PPP1R9A: variants seen among roughly 807,000 people sequenced by gnomAD.
PPP1R9A encodes neurabin-1.
In PPP1R9A, 59 loss-of-function variants were observed where a neutral mutation model predicts 141.9. The observed-to-expected ratio is 0.42, with a 90% CI of 0.34 to 0.52. The LOEUF (loss-of-function observed/expected upper bound fraction) is 0.52. PPP1R9A is among the 20% of genes least tolerant of loss of function. PPP1R9A has a pLI of 0.10. For missense variants in PPP1R9A, 1,444 were observed against 1,611.9 expected, an observed-to-expected ratio of 0.90 and a Z score of 1.78; for synonymous variants, 500 against 569.7, an observed-to-expected ratio of 0.88 and a Z score of 1.74.
chr7:95,062,040 A>G (rs1812308721), intron 2 of PPP1R9A, among the ~76,000 whole-genome samples: 1 of 152,162 alleles, frequency 6.6e-6, no homozygotes, highest in South Asian at 2.1e-4. Flanking sequence ...AATTTCTTTA[A>G]CTTGCATCCT....
intron 2 of PPP1R9A, among the ~76,000 whole-genome samples, chr7:95,032,806 G>A (rs950532525): frequency 9.9e-5 from 15 of 151,898 alleles, no homozygotes; most frequent in Admixed American, 3.3e-4. Flanking sequence ...GTATAATTAC[G>A]AGTAATTATA....
chr7:94,930,216 T>A (rs1010866547), intron 2 of PPP1R9A, among the ~76,000 whole-genome samples: 1 of 152,100 alleles, frequency 6.6e-6, no homozygotes, highest in African/African-American at 2.4e-5. Flanking sequence ...CAGGAGAGTG[T>A]TGGGAGGCAG....
intron 4 of PPP1R9A, among the ~76,000 whole-genome samples, chr7:95,160,330 C>A (rs1011715659): frequency 3.3e-5 from 5 of 151,906 alleles, no homozygotes; most frequent in Admixed American, 6.6e-5. Context: ...AGGTATTAGG[C>A]CCAAAGCATA....
At chr7:95,174,310 A>G (rs1339210040) in intron 5 of PPP1R9A, among the ~76,000 whole-genome samples, 3 of 152,146 alleles carry the variant, frequency 2.0e-5, no homozygotes, top group African/African-American at 4.8e-5. Context: ...AAATTCTGGA[A>G]AATACAAAAC....
At chr7:95,018,803 C>G (rs981919217) in intron 2 of PPP1R9A, among the ~76,000 whole-genome samples, 1 of 152,092 alleles carries the variant, frequency 6.6e-6, no homozygotes, top group African/African-American at 2.4e-5. Flanking sequence ...TACTGCCTGA[C>G]GTGCTGAGAG....
intron 2 of PPP1R9A, among the ~76,000 whole-genome samples, chr7:95,006,593 G>A (rs1803634245): frequency 6.6e-6 from 1 of 152,106 alleles, no homozygotes; most frequent in South Asian, 2.1e-4. Context: ...TAAATATAAA[G>A]TGCATGACCT....
intron 5 of PPP1R9A, among the ~76,000 whole-genome samples, chr7:95,166,289 C>T (rs2152731798): frequency 6.6e-6 from 1 of 152,096 alleles, no homozygotes; most frequent in South Asian, 2.1e-4. Flanking sequence ...GATTTCTAGC[C>T]ATTGTTGAAA....
chr7:95,107,900 GA>G (rs746357277), intron 2 of PPP1R9A, among the ~76,000 whole-genome samples: 3 of 152,094 alleles, frequency 2.0e-5, no homozygotes, highest in Non-Finnish European at 4.4e-5. Context: ...TTAATCCAGG[GA>G]AATAATATGG....
At chr7:95,082,446 G>A (rs952459463) in intron 2 of PPP1R9A, among the ~76,000 whole-genome samples, 1 of 152,080 alleles carries the variant, frequency 6.6e-6, no homozygotes, top group African/African-American at 2.4e-5. Context: ...CATTTAAAGT[G>A]TAGAGGGTAG....
chr7:95,234,326 CA>C (rs1370197977), intron 8 of PPP1R9A, among the ~76,000 whole-genome samples: 2 of 152,126 alleles, frequency 1.3e-5, no homozygotes, highest in Non-Finnish European at 2.9e-5. Context: ...GAATTCAGCA[CA>C]GTTTCAGGAT....
At chr7:95,203,534 C>A in intron 6 of PPP1R9A, 131 bp from the exon 7 acceptor site, 1 of 558,772 alleles carries the variant, frequency 1.8e-6, no homozygotes, top group Non-Finnish European at 3.0e-6. Flanking sequence ...CAACATGCCG[C>A]AATATTGTCT....
intron 2 of PPP1R9A, among the ~76,000 whole-genome samples, chr7:95,102,860 T>C (rs1818971475): frequency 6.6e-6 from 1 of 152,218 alleles, no homozygotes; most frequent in Non-Finnish European, 1.5e-5. Flanking sequence ...TTGTGATGAC[T>C]CATTTTATGG....
At chr7:95,158,399 G>A (rs1432353025) in intron 4 of PPP1R9A, among the ~76,000 whole-genome samples, 3 of 152,124 alleles carry the variant, frequency 2.0e-5, no homozygotes, top group African/African-American at 7.2e-5. Flanking sequence ...TCACAGCTGT[G>A]ATCCTAGCAC....
chr7:95,191,920 A>T (rs1469523667), intron 5 of PPP1R9A, among the ~76,000 whole-genome samples: 2 of 152,102 alleles, frequency 1.3e-5, no homozygotes, highest in Non-Finnish European at 2.9e-5. Context: ...AGTTTCAGAC[A>T]ATGTATAAGA....
chr7:95,075,798 C>G (rs753677095), intron 2 of PPP1R9A, among the ~76,000 whole-genome samples: 78 of 151,992 alleles, frequency 5.1e-4, no homozygotes, highest in Middle Eastern at 3.4e-3. Flanking sequence ...GATCGCGCCA[C>G]TGCACTCCAG....
intron 5 of PPP1R9A, among the ~76,000 whole-genome samples, chr7:95,197,676 A>G (rs2152854662): frequency 6.6e-6 from 1 of 152,256 alleles, no homozygotes; most frequent in South Asian, 2.1e-4. Context: ...GGTTTGAGAC[A>G]GAGTCTCTGT....
At position 94,937,969 on chromosome 7, in the gene PPP1R9A, G is replaced by C. The variant is rs1584298151; in HGVS notation, c.1395+26461G>C. 2.0e-5 allele frequency among the ~76,000 whole-genome samples: 3 copies of C among 152,178 alleles called. No individual in the cohort carries two copies. In the East Asian group the frequency reaches 5.8e-4, roughly 29 times the overall value. On this transcript the variant is annotated intron_variant, in intron 2 of 19. Transcript: ENST00000433360. Reference sequence around the variant, plus strand: ...TTAGTTCCCTTCCCAGGTACCATCAGAGTTTTCAATCTTGAGGGGAGCTGG... The same window carrying C: ...TTAGTTCCCTTCCCAGGTACCATCACAGTTTTCAATCTTGAGGGGAGCTGG...
intron 2 of PPP1R9A, among the ~76,000 whole-genome samples, chr7:94,939,734 G>A (rs1034117315): frequency 6.6e-6 from 1 of 151,110 alleles, no homozygotes; most frequent in African/African-American, 2.4e-5. Flanking sequence ...TCCCATCCCA[G>A]AAGATTGTAT....
At chr7:95,054,113 T>TG in intron 2 of PPP1R9A, among the ~76,000 whole-genome samples, 1 of 147,208 alleles carries the variant, frequency 6.8e-6, no homozygotes, top group Non-Finnish European at 1.5e-5. Flanking sequence ...TTCCCCACTG[T>TG]GTTTTTTTTT....
Sources: allele counts gnomAD v4.1 joint callset (sites outside exome capture counted in the v4.1 genomes callset), GRCh38; gene constraint gnomAD v4.1.1; transcripts MANE v1.5; gene names NCBI Gene and HGNC (gene_info 2026-07-23, HGNC 2026-07-21).